Variants in CPLANE1 observed in about 807,000 individuals in gnomAD.
CPLANE1 encodes ciliogenesis and planar polarity effector 1.
Under a neutral mutation model 362.5 loss-of-function variants are expected in CPLANE1, and 263 were observed. The observed-to-expected ratio is 0.73, with a 90% confidence interval of 0.66 to 0.80. The LOEUF (loss-of-function observed/expected upper bound fraction) is 0.80, where lower values mean the gene tolerates loss of function less well. Among genes scored for constraint, CPLANE1 ranks in the 30% least tolerant of loss-of-function variants. CPLANE1 has a pLI of 0.00. For missense variants in CPLANE1, 3,461 were observed against 3,793.4 expected (o/e 0.91, Z 2.30); for synonymous variants, 1,212 against 1,302.6 (o/e 0.93, Z 1.50).
chr5:37,173,282 G>GGA (rs1780290058), intron 32 of CPLANE1, among the ~76,000 whole-genome samples: 2 of 152,298 alleles, frequency 1.3e-5, no homozygotes, highest in Non-Finnish European at 2.9e-5. Context: ...ATGTGATAGT[G>GGA]TCAGCTGGAA....
At chr5:37,089,376 C>T in the CPLANE1 span, among the ~76,000 whole-genome samples, 1 of 152,056 alleles carries the variant, frequency 6.6e-6, no homozygotes, top group East Asian at 1.9e-4. Context: ...CTCTGCAGAC[C>T]CCTTTCAAAC....
chr5:37,108,364 C>T lies in CPLANE1; in HGVS notation c.9508G>A (p.Val3170Met), dbSNP rs1394451975. 2.5e-6 allele frequency: 4 copies of T among 1,614,080 alleles called. No individual in the cohort carries two copies. Among genetic ancestry groups the T allele is most frequent in the African/African-American group, 2.7e-5 (2 of 74,950 alleles). ...GAAGGTATCGTCCAGGGACTCACCA[C>T]AGTCTCCTCTCTTTCATACTCTACA... ...VCVEYEREET[V>M]VSPWTIPSEI... The change falls in exon 52 of 53, where the codon GTG becomes ATG. Residue 3170 changes from valine (V) to methionine (M), a missense_variant. By Grantham distance (21) the Val-to-Met change is conservative. Coordinates refer to ENST00000651892, the MANE Select transcript of CPLANE1 (RefSeq NM_001384732.1).
chr5:37,233,608 C>A (rs918248452), intron 8 of CPLANE1, among the ~76,000 whole-genome samples: 7 of 152,028 alleles, frequency 4.6e-5, no homozygotes, highest in Non-Finnish European at 8.8e-5. Flanking sequence ...ATCACAACTT[C>A]CAGTAACTCC....
chr5:37,137,552 A>G (rs1768089188), intron 46 of CPLANE1, among the ~76,000 whole-genome samples: 2 of 152,238 alleles, frequency 1.3e-5, no homozygotes, highest in Admixed American at 1.3e-4. Context: ...ACACTGCTAA[A>G]TAAGACATAC....
At chr5:37,185,760 G>A (rs948540875) in intron 24 of CPLANE1, among the ~76,000 whole-genome samples, 10 of 152,076 alleles carry the variant, frequency 6.6e-5, no homozygotes, top group Non-Finnish European at 1.3e-4. Flanking sequence ...TGTACTTAAT[G>A]TCAATGAATT....
chr5:37,088,177 AG>A, the CPLANE1 span, among the ~76,000 whole-genome samples: 1 of 152,204 alleles, frequency 6.6e-6, no homozygotes, highest in African/African-American at 2.4e-5. Flanking sequence ...CCATTTGTTG[AG>A]TTTATCAATC....
rs554321729 is a variant in CPLANE1 at position 37,162,081 on chromosome 5, C to T, written c.7690+384G>A. On this transcript the variant is annotated intron_variant, in intron 38 of 52. Coordinates refer to ENST00000651892, the MANE Select transcript of CPLANE1 (RefSeq NM_001384732.1). ...CACTTATTTCCTCTGCTCCTGGACA[C>T]AGTTAAATACCCCTCCCTCACCGAA... Among the ~76,000 whole-genome samples the T allele has an allele frequency of 1.2e-4, 19 of 152,300 alleles. No individual in the cohort carries two copies. In the South Asian group the frequency reaches 3.7e-3, roughly 30 times the overall value.
chr5:37,135,010 C>G (rs2150306596), intron 46 of CPLANE1, among the ~76,000 whole-genome samples: 1 of 152,158 alleles, frequency 6.6e-6, no homozygotes, highest in Admixed American at 6.5e-5. Context: ...TCAGGCTGGT[C>G]TCCAACTCCC....
At position 37,106,723 on chromosome 5, in the gene CPLANE1, C is replaced by A; in HGVS notation, c.*879G>T. On this transcript the variant is annotated 3_prime_UTR_variant, in exon 53 of 53. Coordinates refer to ENST00000651892, the MANE Select transcript of CPLANE1 (RefSeq NM_001384732.1). ...ACTTGCTGCAATACATGTTGTAAAA[C>A]CTGGCTTCACACAGGTAGATATTTG... is the stretch of plus-strand genomic sequence containing the variant. The A allele has an allele frequency of 1.9e-6, 1 of 528,586 alleles. No individual in the cohort carries two copies. Among genetic ancestry groups the A allele is most frequent in the Non-Finnish European group, 2.4e-6 (1 of 412,960 alleles). 32.7% of individuals were successfully genotyped at this position (528,586 alleles called of 1,614,324 possible).
intron 1 of CPLANE1, 108 bp from the exon 2 acceptor site, chr5:37,247,853 A>G: frequency 1.3e-6 from 1 of 771,308 alleles, no homozygotes; most frequent in Non-Finnish European, 1.9e-6. Flanking sequence ...GCTGGAGTGC[A>G]GTGATATGAT....
At chr5:37,136,313 A>C (rs1767697999) in intron 46 of CPLANE1, among the ~76,000 whole-genome samples, 1 of 152,226 alleles carries the variant, frequency 6.6e-6, no homozygotes, top group Non-Finnish European at 1.5e-5. Flanking sequence ...TAAACCTTAA[A>C]GTTCCAAAAT....
chr5:37,146,741 T>C (rs1342021513), intron 43 of CPLANE1, among the ~76,000 whole-genome samples: 1 of 152,006 alleles, frequency 6.6e-6, no homozygotes, highest in Non-Finnish European at 1.5e-5. Flanking sequence ...TTGATAATGA[T>C]TAAAGTTTGT....
intron 43 of CPLANE1, among the ~76,000 whole-genome samples, chr5:37,147,262 G>GTTA (rs1401738202): frequency 1.3e-5 from 2 of 152,038 alleles, no homozygotes; most frequent in East Asian, 3.8e-4. Context: ...CAGCCACAAG[G>GTTA]GAAATTTTAA....
At chr5:37,186,606 C>T (rs1784056249) in intron 23 of CPLANE1, among the ~76,000 whole-genome samples, 2 of 152,136 alleles carry the variant, frequency 1.3e-5, no homozygotes, top group Non-Finnish European at 2.9e-5. Context: ...TTGACAAAAA[C>T]TGTGTATATT....
In CPLANE1 at chr5:37,221,431, T is replaced by A; in HGVS notation, c.2639A>T (p.His880Leu). 1 of 1,532,242 alleles carries A rather than the reference T, an allele frequency of 6.5e-7. No homozygotes were observed. The highest frequency in any genetic ancestry group is 8.8e-7 in the Non-Finnish European group (1 of 1,139,748). The allele number at this position is 1,532,242 out of a possible 1,614,324, so 94.9% of individuals were successfully genotyped here. ...ATCATTTAAATTATAGCTATAGAGG[T>A]GGCAGTATAAGAGAGAAAGATAATA... Reference protein sequence around the residue: ...IRYYLSLLYCHLYSYNLNDAQ... With the variant: ...IRYYLSLLYCLLYSYNLNDAQ... The change falls in exon 15 of 53, where the codon CAC becomes CTC. Residue 880 changes from histidine to leucine, a missense_variant. His to Leu is a moderately conservative substitution (Grantham distance 99). Coordinates refer to ENST00000651892, the MANE Select transcript of CPLANE1 (RefSeq NM_001384732.1).
In CPLANE1 at chr5:37,195,886, C is replaced by CTTG. The variant is rs1561565427; in HGVS notation, c.3780_3782dup (p.His1260_Lys1261insAsn). On this transcript the variant is annotated inframe_insertion, in exon 21 of 53. Transcript: ENST00000651892. Reference sequence around the variant, plus strand: ...TTGCTCTAATGGAAACTTCATCAAGCTTGTGGTCTCCAGCTGCTCCAGGTC... The same window carrying CTTG: ...TTGCTCTAATGGAAACTTCATCAAGCTTGTTGTGGTCTCCAGCTGCTCCAGGTC... 1 of 1,612,434 alleles carries CTTG rather than the reference C, an allele frequency of 6.2e-7. No homozygotes were observed. Among genetic ancestry groups the CTTG allele is most frequent in the Admixed American group, 1.7e-5 (1 of 59,772 alleles).
chr5:37,139,578 T>C (rs1442045756), intron 44 of CPLANE1: 8 of 962,360 alleles, frequency 8.3e-6, no homozygotes, highest in Admixed American at 5.2e-5. Context: ...TTTGAGACCA[T>C]GTCTCACTCT....
chr5:37,237,663 G>A (rs1246601219), intron 8 of CPLANE1, among the ~76,000 whole-genome samples: 4 of 151,928 alleles, frequency 2.6e-5, no homozygotes, highest in Admixed American at 1.3e-4. Flanking sequence ...TGGCTAACAC[G>A]GTGAAACCCC....
intron 44 of CPLANE1, chr5:37,141,418 T>C: frequency 2.0e-6 from 2 of 985,262 alleles, no homozygotes; most frequent in Non-Finnish European, 2.4e-6. Flanking sequence ...TTATATATGA[T>C]ACTCAGTCTT....
Sources: allele counts gnomAD v4.1 joint callset (sites outside exome capture counted in the v4.1 genomes callset), GRCh38; gene constraint gnomAD v4.1.1; transcripts MANE v1.5; gene names NCBI Gene and HGNC (gene_info 2026-07-23, HGNC 2026-07-21).